Variants in ABCC1 observed in about 807,000 individuals in gnomAD.
ABCC1 encodes the protein multidrug resistance-associated protein 1.
A neutral mutation model predicts 172.9 loss-of-function variants in ABCC1; 83 were observed. That is an observed-to-expected ratio of 0.48 (90% CI 0.40 to 0.58). The LOEUF is 0.58. ABCC1 is among the 20% of genes least tolerant of loss of function. The pLI is 0.00. For synonymous variants in ABCC1, 937 were observed against 825.2 expected (o/e 1.14, Z -2.32); for missense variants, 1,817 against 2,002.7 (o/e 0.91, Z 1.77).
chr16:15,975,382 G>A (rs187198385), intron 1 of ABCC1, among the ~76,000 whole-genome samples: 5 of 152,196 alleles, frequency 3.3e-5, no homozygotes, highest in East Asian at 1.9e-4. Flanking sequence ...GCTTGTACAC[G>A]TTGTTCCTTT....
At chr16:15,976,904 A>G (rs1217127392) in intron 1 of ABCC1, among the ~76,000 whole-genome samples, 3 of 152,210 alleles carry the variant, frequency 2.0e-5, no homozygotes, top group African/African-American at 7.2e-5. Flanking sequence ...GTAGTAGGAC[A>G]GGGACTCGAG....
chr16:16,094,634 C>T (rs1157039318), intron 19 of ABCC1: 1 of 152,402 alleles, frequency 6.6e-6, no homozygotes, highest in East Asian at 1.9e-4. Context: ...CTGCCTCAGC[C>T]TCCCGAGTAG....
intron 20 of ABCC1, among the ~76,000 whole-genome samples, chr16:16,105,672 CTG>C (rs1323187564): frequency 6.6e-6 from 1 of 151,110 alleles, no homozygotes; most frequent in Non-Finnish European, 1.5e-5. Flanking sequence ...TGAGCCGCAG[CTG>C]TGTTTTGCAT....
intron 20 of ABCC1, among the ~76,000 whole-genome samples, chr16:16,103,744 A>G (rs2051898675): frequency 6.6e-6 from 1 of 152,188 alleles, no homozygotes; most frequent in African/African-American, 2.4e-5. Flanking sequence ...ACCATGCGGC[A>G]TAGCACGGTG....
intron 21 of ABCC1, among the ~76,000 whole-genome samples, chr16:16,110,806 C>G (rs1033253848): frequency 2.6e-5 from 4 of 152,194 alleles, no homozygotes; most frequent in African/African-American, 9.7e-5. Flanking sequence ...CCGTTTACAG[C>G]CCTTCTCTGT....
chr16:15,995,481 C>G lies in ABCC1; in HGVS notation c.49-12335C>G, dbSNP rs577865702. On this transcript the variant is annotated intron_variant, in intron 1 of 30. Coordinates refer to ENST00000399410, the MANE Select transcript of ABCC1 (RefSeq NM_004996.4). ...ATGCTTCACCCACTTTCTTCTTCTT[C>G]AAGCCATTTGCTCCCATTGGGCATA... 2.0e-5 allele frequency among the ~76,000 whole-genome samples: 3 copies of G among 151,632 alleles called. No homozygotes were observed. In the South Asian group the frequency reaches 6.3e-4, roughly 32 times the overall value.
chr16:16,069,002 A>G (rs1277166495), intron 13 of ABCC1, among the ~76,000 whole-genome samples: 2 of 149,884 alleles, frequency 1.3e-5, no homozygotes, highest in Non-Finnish European at 3.0e-5. Context: ...TTAAAAAAAA[A>G]AAAAAGAAAA....
Position 16,103,652 on chromosome 16 carries a change from G to A in ABCC1, c.2735+935G>A, listed in dbSNP as rs45523339. On this transcript the variant is annotated intron_variant, in intron 20 of 30. Coordinates refer to ENST00000399410, the MANE Select transcript of ABCC1 (RefSeq NM_004996.4). ...AACAACAACAAAAATTGACAAAGTC[G>A]GAGCCTAAACGTATCAGACCGCGGA... Among the ~76,000 whole-genome samples the A allele has an allele frequency of 5.7e-3, 864 of 152,238 alleles. 12 individuals carry two copies. The highest frequency in any genetic ancestry group is 0.019 in the African/African-American group (807 of 41,542).
chr16:16,089,372 C>T (rs116358285), intron 18 of ABCC1, among the ~76,000 whole-genome samples: 1 of 151,814 alleles, frequency 6.6e-6, no homozygotes, highest in Non-Finnish European at 1.5e-5. Context: ...CATGATGAGA[C>T]CCCTGTCTTG....
intron 1 of ABCC1, among the ~76,000 whole-genome samples, chr16:15,977,980 A>T (rs2046530598): frequency 6.6e-6 from 1 of 152,176 alleles, no homozygotes; most frequent in Admixed American, 6.5e-5. Context: ...TCTGTGCCTT[A>T]GTCTCTTCCT....
At chr16:16,005,906 A>G (rs989593373) in intron 1 of ABCC1, among the ~76,000 whole-genome samples, 2 of 151,960 alleles carry the variant, frequency 1.3e-5, no homozygotes, top group African/African-American at 4.8e-5. Flanking sequence ...GTGAGCCGAG[A>G]TCGCTTGAAC....
At chr16:16,053,774 C>CAAAAAAAAAAAAAAA (rs10526186) in intron 11 of ABCC1, among the ~76,000 whole-genome samples, 3 of 36,220 alleles carry the variant, frequency 8.3e-5, no homozygotes, top group Admixed American at 4.8e-4. Flanking sequence ...GACCCTGTCT[C>CAAAAAAAAAAAAAAA]AAAAAAAAAA....
chr16:15,984,030 G>T (rs2046688970), intron 1 of ABCC1, among the ~76,000 whole-genome samples: 1 of 152,154 alleles, frequency 6.6e-6, no homozygotes, highest in Non-Finnish European at 1.5e-5. Flanking sequence ...ATTGGTGTGT[G>T]GGTCAGGCTC....
At chr16:16,114,683 C>A in intron 22 of ABCC1, 83 bp from the exon 23 acceptor site, 1 of 1,369,080 alleles carries the variant, frequency 7.3e-7, no homozygotes, top group Non-Finnish European at 9.8e-7. Context: ...CCAGGCCTGC[C>A]TCGTCCACAT....
chr16:16,086,063 C>T (rs2050993746), intron 17 of ABCC1, among the ~76,000 whole-genome samples: 2 of 152,146 alleles, frequency 1.3e-5, no homozygotes, highest in Non-Finnish European at 2.9e-5. Flanking sequence ...AGTAAGCTGG[C>T]AAACATGGCA....
At chr16:15,963,103 A>G (rs2046171888) in intron 1 of ABCC1, among the ~76,000 whole-genome samples, 1 of 152,264 alleles carries the variant, frequency 6.6e-6, no homozygotes, top group African/African-American at 2.4e-5. Flanking sequence ...ATTGGCCAAA[A>G]CAAAGGGGCT....
chr16:16,133,311 C>T (rs531409804), intron 27 of ABCC1, among the ~76,000 whole-genome samples: 1 of 152,280 alleles, frequency 6.6e-6, no homozygotes, highest in South Asian at 2.1e-4. Flanking sequence ...ATTCTGTTCC[C>T]AGCAGATAAT....
chr16:16,025,758 A>G (rs1332670679), intron 5 of ABCC1, among the ~76,000 whole-genome samples: 1 of 152,198 alleles, frequency 6.6e-6, no homozygotes, highest in East Asian at 1.9e-4. Flanking sequence ...GTAGATGTCA[A>G]TATGGTGGAT....
At chr16:16,071,867 G>A (rs887898738) in intron 14 of ABCC1, 138 bp downstream of exon 14, 14 of 762,688 alleles carry the variant, frequency 1.8e-5, no homozygotes, top group Non-Finnish European at 2.4e-5. Context: ...GACCCCGGGG[G>A]ACAAGGGTTC....
Sources: gnomAD v4.1 joint callset for allele counts (sites outside exome capture counted in the v4.1 genomes callset) on GRCh38, gnomAD v4.1.1 for gene constraint, MANE v1.5 for transcripts, NCBI Gene and HGNC (gene_info 2026-07-23, HGNC 2026-07-21) for gene names.